Variants in SLC12A7 observed in about 807,000 individuals in gnomAD.
The protein encoded by SLC12A7 is solute carrier family 12 member 7.
A neutral mutation model predicts 120.6 loss-of-function variants in SLC12A7; 100 were observed. The observed-to-expected ratio is 0.83, with a 90% CI of 0.71 to 0.98. The LOEUF (loss-of-function observed/expected upper bound fraction) is 0.98, where lower values mean the gene tolerates loss of function less well. Among genes scored for constraint, SLC12A7 ranks in the 50% least tolerant of loss-of-function variants. SLC12A7 has a pLI of 0.00. For synonymous variants in SLC12A7, 760 were observed against 678.0 expected, an observed-to-expected ratio of 1.12 and a Z score of -1.88; for missense variants, 1,373 against 1,548.1, an observed-to-expected ratio of 0.89 and a Z score of 1.90.
In SLC12A7 at chr5:1,052,471, G is replaced by A; in HGVS notation, c.3161-20C>T. ...CCATGTCTGTGGTCAACAGAGTTAAGGCCACAGCTGATCTTACCTGAGCGT... is the reference window on the plus strand; with the variant it reads ...CCATGTCTGTGGTCAACAGAGTTAAAGCCACAGCTGATCTTACCTGAGCGT... On this transcript the variant is annotated intron_variant, in intron 23 of 23. Transcript: ENST00000264930. The A allele has an allele frequency of 2.5e-6, 4 of 1,591,344 alleles. No individual in the cohort carries two copies. The highest frequency in any genetic ancestry group is 3.4e-6 in the Non-Finnish European group (4 of 1,160,522).
At chr5:1,088,235 G>A (rs375824538) in intron 5 of SLC12A7, 71 bp downstream of exon 5, 8 of 1,499,856 alleles carry the variant, frequency 5.3e-6, no homozygotes, top group Non-Finnish European at 6.3e-6. Context: ...CGGCCTCCTC[G>A]CGGTTGCCGT....
intron 17 of SLC12A7, among the ~76,000 whole-genome samples, chr5:1,067,913 C>T (rs1007808416): frequency 3.3e-5 from 5 of 151,654 alleles, no homozygotes; most frequent in Non-Finnish European, 7.4e-5. Context: ...ACCCTGTTAT[C>T]ACAAGTCCCC....
At chr5:1,142,552 GTC>G in the SLC12A7 span, among the ~76,000 whole-genome samples, 2 of 120,634 alleles carry the variant, frequency 1.7e-5, no homozygotes, top group South Asian at 3.2e-4. Context: ...CTCTGTGTGT[GTC>G]TCTCTCTCTG....
chr5:1,139,322 C>G, the SLC12A7 span, among the ~76,000 whole-genome samples: 1 of 152,278 alleles, frequency 6.6e-6, no homozygotes, highest in East Asian at 1.9e-4. Flanking sequence ...CCAAGCCCAG[C>G]CCTGGTGGGG....
At chr5:1,061,508 G>A (rs199533393) in intron 20 of SLC12A7, among the ~76,000 whole-genome samples, 218 of 105,016 alleles carry the variant, frequency 2.1e-3, no homozygotes, top group African/African-American at 9.6e-3. Flanking sequence ...AGTCTCACCC[G>A]CCGCACCCGC....
At chr5:1,069,585 G>A (rs1450300660) in intron 17 of SLC12A7, among the ~76,000 whole-genome samples, 2 of 151,752 alleles carry the variant, frequency 1.3e-5, no homozygotes, top group Non-Finnish European at 2.9e-5. Context: ...CCACACACAT[G>A]AGGGGGAAGG....
the SLC12A7 span, among the ~76,000 whole-genome samples, chr5:1,119,313 G>C: frequency 6.6e-6 from 1 of 152,202 alleles, no homozygotes; most frequent in African/African-American, 2.4e-5. Context: ...CTTTTGGGGT[G>C]AGTTTTCTGG....
chr5:1,135,935 G>T, the SLC12A7 span, among the ~76,000 whole-genome samples: 2 of 152,194 alleles, frequency 1.3e-5, no homozygotes, highest in Non-Finnish European at 2.9e-5. Flanking sequence ...CATCCTGTAA[G>T]TTTCCCACAG....
the SLC12A7 span, among the ~76,000 whole-genome samples, chr5:1,152,889 C>A: frequency 6.6e-6 from 1 of 152,206 alleles, no homozygotes; most frequent in Non-Finnish European, 1.5e-5. Context: ...ATCACCAGGC[C>A]ACACATCTGC....
the SLC12A7 span, among the ~76,000 whole-genome samples, chr5:1,136,948 TACC>T: frequency 0.37 from 54,879 of 147,718 alleles, 11,446 homozygotes; most frequent in African/African-American, 0.57. Context: ...CGTGCACACA[TACC>T]ACCAGGACAC....
chr5:1,132,110 C>A, the SLC12A7 span, among the ~76,000 whole-genome samples: 3 of 152,174 alleles, frequency 2.0e-5, no homozygotes, highest in African/African-American at 7.2e-5. Flanking sequence ...CATCCAATAC[C>A]CAGTACCCAC....
At position 1,108,052 on chromosome 5, in the gene SLC12A7, CCACAGCA is replaced by C. The variant is rs1015450385; in HGVS notation, c.124+3809_124+3815del. Among the ~76,000 whole-genome samples the C allele has an allele frequency of 7.6e-5, 7 of 92,486 alleles. No homozygotes were observed. The East Asian group carries it at 8.2e-4, about 11-fold the overall frequency. 60.7% of individuals were successfully genotyped at this position (92,486 alleles called of 152,430 possible). A position where few individuals can be genotyped will look rare whatever the true frequency, so the allele number is the denominator to read the frequency against. On this transcript the variant is annotated intron_variant, in intron 1 of 23. Coordinates refer to ENST00000264930, the MANE Select transcript of SLC12A7 (RefSeq NM_006598.3). Reference sequence around the variant, plus strand: ...CATACACACACACACGTGAGCATGCCCACAGCACACAGCTGTGCAAGAGCACAGTACA... The same window carrying C: ...CATACACACACACACGTGAGCATGCCCACAGCTGTGCAAGAGCACAGTACA...
rs762714893 is a variant in SLC12A7, at chr5:1,079,408, C to T, written c.1386G>A (p.Thr462=). 2.1e-5 allele frequency: 34 copies of T among 1,612,192 alleles called. 1 individual carries two copies. The highest frequency in any genetic ancestry group is 1.7e-4 in the African/African-American group (13 of 74,912). The change falls in exon 10 of 24, where the codon ACG becomes ACA. Residue 462 remains threonine (T), a synonymous_variant. Coordinates refer to ENST00000264930, the MANE Select transcript of SLC12A7 (RefSeq NM_006598.3). The part of the protein sequence containing the change: ...PTGTILAIVT[T]SFIYLSCIVL... ...CCCCTCCAAGGATACAGATGAAAGA[C>T]GTCGTCACTATGGCCAGGATGGTCC...
Position 1,079,509 on chromosome 5 carries a change from A to G in SLC12A7, c.1298-13T>C, listed in dbSNP as rs1200067483. ...CCCGCCATGATACCTGTGAACATGGAAAATGCTGCAAAGACCCATCTGAGG... is the reference window on the plus strand; with the variant it reads ...CCCGCCATGATACCTGTGAACATGGGAAATGCTGCAAAGACCCATCTGAGG... On this transcript the variant is annotated splice_polypyrimidine_tract_variant and intron_variant, in intron 9 of 23. Transcript: ENST00000264930. 6.2e-7 allele frequency: 1 copy of G among 1,601,502 alleles called. No individual in the cohort carries two copies. Among genetic ancestry groups the G allele is most frequent in the South Asian group, 1.1e-5 (1 of 90,822 alleles).
chr5:1,127,894 C>G, the SLC12A7 span, among the ~76,000 whole-genome samples: 2 of 152,160 alleles, frequency 1.3e-5, no homozygotes, highest in Admixed American at 6.5e-5. Flanking sequence ...CAAATTAGCA[C>G]TTGTCATCAA....
Position 1,078,595 on chromosome 5 carries a change from C to A in SLC12A7, c.1454+106G>T. 3 of 916,192 alleles carry A rather than the reference C, an allele frequency of 3.3e-6. No individual in the cohort carries two copies. The South Asian group carries it at 4.2e-5, about 13-fold the overall frequency. The allele number at this position is 916,192 out of a possible 1,614,324, so 56.8% of individuals were successfully genotyped here. A position where few individuals can be genotyped will look rare whatever the true frequency, so the allele number is the denominator to read the frequency against. On this transcript the variant is annotated intron_variant, in intron 11 of 23. Coordinates refer to ENST00000264930, the MANE Select transcript of SLC12A7 (RefSeq NM_006598.3). ...GGACCAGGACGCCTTCAGCTCTGCA[C>A]GCGGACATGAAGTCCTAGGGCGATG...
At chr5:1,077,710 G>A (rs1427195839) in intron 12 of SLC12A7, 123 bp downstream of exon 12, 1 of 1,060,912 alleles carries the variant, frequency 9.4e-7, no homozygotes, top group Admixed American at 3.1e-5. Context: ...GGGGCAGAAT[G>A]ACCACCATGG....
At chr5:1,063,673 GC>G (rs1215188910) in intron 20 of SLC12A7, among the ~76,000 whole-genome samples, 170 bp downstream of exon 20, 1 of 10,446 alleles carries the variant, frequency 9.6e-5, no homozygotes, top group African/African-American at 3.0e-4. Context: ...CGAGGCCACA[GC>G]CCTCCCGATC....
chr5:1,120,251 C>T, the SLC12A7 span, among the ~76,000 whole-genome samples: 3 of 152,264 alleles, frequency 2.0e-5, no homozygotes, highest in Non-Finnish European at 4.4e-5. Context: ...AAGACGCTCT[C>T]AAGGGCAGGG....
Sources: allele counts gnomAD v4.1 joint callset (sites outside exome capture counted in the v4.1 genomes callset), GRCh38; gene constraint gnomAD v4.1.1; transcripts MANE v1.5; gene names NCBI Gene and HGNC (gene_info 2026-07-23, HGNC 2026-07-21).